Variants in DCDC1 observed in about 807,000 individuals in gnomAD.
DCDC1 encodes doublecortin domain containing 1.
In DCDC1, 200 loss-of-function variants were observed where a neutral mutation model predicts 178.3. The ratio of observed to expected loss-of-function variants is 1.12; its 90% CI spans 1.00 to 1.26. The LOEUF (loss-of-function observed/expected upper bound fraction) is 1.26, where lower values mean the gene tolerates loss of function less well. Ranked by LOEUF, DCDC1 falls within the 50% of genes most tolerant of loss-of-function variation. The pLI, the probability that DCDC1 is intolerant of heterozygous loss-of-function variation, is 0.00. For synonymous variants in DCDC1, 690 were observed against 604.8 expected, an observed-to-expected ratio of 1.14 and a Z score of -2.07; for missense variants, 1,983 against 1,749.2, an observed-to-expected ratio of 1.13 and a Z score of -2.38.
intron 1 of DCDC1, among the ~76,000 whole-genome samples, chr11:31,337,640 G>T (rs1415268800): frequency 6.8e-6 from 1 of 147,250 alleles, no homozygotes; most frequent in African/African-American, 2.6e-5. Context: ...ACTCCTGCCT[G>T]GGTGAGTGAG....
At chr11:31,142,636 T>C (rs1331540529) in intron 9 of DCDC1, among the ~76,000 whole-genome samples, 1 of 152,204 alleles carries the variant, frequency 6.6e-6, no homozygotes, top group Non-Finnish European at 1.5e-5. Context: ...AAATTAAGGA[T>C]ATATTCCAAC....
At chr11:31,260,404 T>A (rs117466344) in intron 8 of DCDC1, among the ~76,000 whole-genome samples, 1 of 152,222 alleles carries the variant, frequency 6.6e-6, no homozygotes, top group Non-Finnish European at 1.5e-5. Context: ...AATTTTATGA[T>A]GAAATATCCT....
intron 18 of DCDC1, among the ~76,000 whole-genome samples, chr11:31,076,613 G>C (rs1956880149): frequency 6.6e-6 from 1 of 152,152 alleles, no homozygotes; most frequent in Non-Finnish European, 1.5e-5. Flanking sequence ...CAAAGTGCTA[G>C]AATTACAGGT....
chr11:30,954,308 C>G (rs1363465469), intron 20 of DCDC1, among the ~76,000 whole-genome samples: 1 of 152,008 alleles, frequency 6.6e-6, no homozygotes, highest in Non-Finnish European at 1.5e-5. Flanking sequence ...AGCCACCACG[C>G]CCAGCCTAAA....
chr11:31,346,813 G>C (rs1305320338), intron 1 of DCDC1, among the ~76,000 whole-genome samples: 2 of 152,150 alleles, frequency 1.3e-5, no homozygotes, highest in Non-Finnish European at 2.9e-5. Context: ...TGTTTAACTT[G>C]GGTGAAGAGT....
chr11:30,893,180 A>T (rs922889962), intron 35 of DCDC1, among the ~76,000 whole-genome samples, 183 bp from the exon 36 acceptor site: 7 of 152,208 alleles, frequency 4.6e-5, no homozygotes, highest in African/African-American at 7.2e-5. Context: ...CCTTGCTTCA[A>T]TGAAATGCTA....
At chr11:30,886,523 A>G (rs1180130119) in intron 36 of DCDC1, among the ~76,000 whole-genome samples, 1 of 152,052 alleles carries the variant, frequency 6.6e-6, no homozygotes, top group African/African-American at 2.4e-5. Flanking sequence ...ATCATTTTCT[A>G]ACTTGTAGAC....
chr11:31,357,102 C>T (rs888398000), intron 1 of DCDC1, among the ~76,000 whole-genome samples: 2 of 151,954 alleles, frequency 1.3e-5, no homozygotes, highest in Admixed American at 6.6e-5. Context: ...GCAGCATCAT[C>T]CTGATACCAA....
At chr11:31,341,544 TATAC>T (rs1456172429) in intron 1 of DCDC1, among the ~76,000 whole-genome samples, 3 of 152,196 alleles carry the variant, frequency 2.0e-5, no homozygotes, top group Non-Finnish European at 4.4e-5. Flanking sequence ...GATGGCATAC[TATAC>T]ACCTAGCCTC....
chr11:30,871,936 A>C (rs976863701), intron 38 of DCDC1, among the ~76,000 whole-genome samples: 3 of 152,186 alleles, frequency 2.0e-5, no homozygotes, highest in African/African-American at 7.2e-5. Flanking sequence ...ATACATACAC[A>C]CACACATACA....
rs145274634 is a variant in DCDC1, at chr11:31,219,286, A to G, written c.1221+22164T>C. Among the ~76,000 whole-genome samples, 229 of 152,340 alleles carry G rather than the reference A, an allele frequency of 1.5e-3. 1 individual carries two copies. The highest frequency in any genetic ancestry group is 0.01 in the Middle Eastern group (3 of 294). ...AGGGGATAAAGTTATGTCAAAAACA[A>G]GATTTTTTTTAACTGATCTCAAAAA... On this transcript the variant is annotated intron_variant, in intron 9 of 38. Transcript: ENST00000684477.
At chr11:31,098,528 G>C (rs895133607) in intron 15 of DCDC1, among the ~76,000 whole-genome samples, 2 of 152,106 alleles carry the variant, frequency 1.3e-5, no homozygotes, top group Non-Finnish European at 1.5e-5. Flanking sequence ...GAACAGTCAG[G>C]GGCTAGGCAC....
chr11:31,144,687 T>G (rs1281244475), intron 9 of DCDC1, among the ~76,000 whole-genome samples: 1 of 152,160 alleles, frequency 6.6e-6, no homozygotes, highest in Non-Finnish European at 1.5e-5. Context: ...ATGTATTTTC[T>G]TTTGCTATAT....
intron 20 of DCDC1, among the ~76,000 whole-genome samples, chr11:31,036,735 G>A (rs1217161600): frequency 1.3e-5 from 2 of 152,072 alleles, no homozygotes; most frequent in Non-Finnish European, 2.9e-5. Context: ...TCAGAGGTTG[G>A]TTAAACCCAC....
chr11:31,125,333 G>A (rs897166408), intron 11 of DCDC1, among the ~76,000 whole-genome samples: 8 of 152,198 alleles, frequency 5.3e-5, no homozygotes. Context: ...TAGTGGGAAT[G>A]TAAATTAGTT....
chr11:31,270,031 T>C (rs1350285511), intron 7 of DCDC1, among the ~76,000 whole-genome samples: 1 of 152,182 alleles, frequency 6.6e-6, no homozygotes, highest in Non-Finnish European at 1.5e-5. Context: ...CCTTGAAACC[T>C]TTTAATATGG....
chr11:30,920,946 A>C lies in DCDC1; in HGVS notation c.3134-11T>G. On this transcript the variant is annotated splice_polypyrimidine_tract_variant and intron_variant, in intron 24 of 38. Coordinates refer to ENST00000684477, the MANE Select transcript of DCDC1 (RefSeq NM_001387274.1). ...CTTCTAAAACAAGAGCTGAGCAGAA[A>C]TTCACAAATTGCAAAGACATATTAC... The C allele has an allele frequency of 1.0e-5, 16 of 1,602,958 alleles. No homozygotes were observed. Among genetic ancestry groups the C allele is most frequent in the African/African-American group, 1.3e-5 (1 of 74,854 alleles).
At chr11:31,297,911 T>C (rs1384532124) in intron 6 of DCDC1, among the ~76,000 whole-genome samples, 1 of 152,140 alleles carries the variant, frequency 6.6e-6, no homozygotes, top group Non-Finnish European at 1.5e-5. Flanking sequence ...CCAATGTTCA[T>C]CTTACATATA....
intron 11 of DCDC1, 98 bp downstream of exon 11, chr11:31,127,371 G>A: frequency 1.9e-6 from 1 of 538,188 alleles, no homozygotes. Flanking sequence ...AACATTAAAA[G>A]AAATTCAAGC....
Sources: allele counts gnomAD v4.1 joint callset (sites outside exome capture counted in the v4.1 genomes callset), GRCh38; gene constraint gnomAD v4.1.1; transcripts MANE v1.5; gene names NCBI Gene and HGNC (gene_info 2026-07-23, HGNC 2026-07-21).